The following MALRD1 variants were observed in gnomAD, a reference collection of about 807,000 sequenced individuals.
MALRD1 encodes MAM and LDL receptor class A domain containing 1, also known as MAM and LDL-receptor class A domain-containing protein 1.
MALRD1 carries 247 observed loss-of-function variants against 242.1 expected under a neutral mutation model. The observed-to-expected ratio is 1.02, with a 90% CI of 0.92 to 1.13. The LOEUF is 1.13. Among genes scored for constraint, MALRD1 ranks in the 50% most tolerant of loss-of-function variants. The pLI is 0.00. For synonymous variants in MALRD1, 995 were observed against 866.6 expected, an observed-to-expected ratio of 1.15 and a Z score of -2.60; for missense variants, 2,989 against 2,533.1, an observed-to-expected ratio of 1.18 and a Z score of -3.86.
intron 1 of MALRD1, among the ~76,000 whole-genome samples, chr10:19,053,854 T>G (rs1834583629): frequency 6.6e-6 from 1 of 152,138 alleles, no homozygotes; most frequent in Non-Finnish European, 1.5e-5. Flanking sequence ...TACATGAACT[T>G]CTTTTTTAGA....
intron 28 of MALRD1, among the ~76,000 whole-genome samples, chr10:19,391,708 T>G (rs1279849895): frequency 6.6e-6 from 1 of 152,056 alleles, no homozygotes; most frequent in Non-Finnish European, 1.5e-5. Context: ...CCTCCCACAA[T>G]GATTCCTTTT....
chr10:19,238,898 C>T (rs1396723253), intron 18 of MALRD1, among the ~76,000 whole-genome samples: 1 of 151,148 alleles, frequency 6.6e-6, no homozygotes. Flanking sequence ...TGTCTTTTAC[C>T]TTTTTGGTAA....
intron 32 of MALRD1, among the ~76,000 whole-genome samples, chr10:19,547,484 A>T (rs1835258011): frequency 6.6e-6 from 1 of 151,892 alleles, no homozygotes; most frequent in African/African-American, 2.4e-5. Context: ...AAAAAATCTG[A>T]AAAACCTAAA....
intron 36 of MALRD1, among the ~76,000 whole-genome samples, chr10:19,644,245 T>A (rs569266453): frequency 6.6e-6 from 1 of 152,304 alleles, no homozygotes; most frequent in South Asian, 2.1e-4. Context: ...TCAAAGGCAA[T>A]GCTTTATAGG....
chr10:19,569,140 T>C (rs191800169), intron 33 of MALRD1, among the ~76,000 whole-genome samples: 191 of 152,258 alleles, frequency 1.3e-3, no homozygotes, highest in African/African-American at 4.4e-3. Context: ...ATAATGGCTT[T>C]AATCATCTTT....
chr10:19,257,677 T>A lies in MALRD1; in HGVS notation c.2992-7T>A. ...TCTTATTTTTATTTTTTATTTTATT[T>A]TTTTAGATATTGGTGGAGGCTTCAG... On this transcript the variant is annotated splice_polypyrimidine_tract_variant and splice_region_variant and intron_variant, in intron 18 of 39. Transcript: ENST00000454679. 6.6e-7 allele frequency: 1 copy of A among 1,516,708 alleles called. No individual in the cohort carries two copies. Among genetic ancestry groups the A allele is most frequent in the Non-Finnish European group, 8.9e-7 (1 of 1,124,530 alleles). The allele number at this position is 1,516,708 out of a possible 1,614,324, so 94.0% of individuals were successfully genotyped here.
chr10:19,551,374 G>A (rs921908010), intron 32 of MALRD1, among the ~76,000 whole-genome samples: 1 of 152,092 alleles, frequency 6.6e-6, no homozygotes, highest in African/African-American at 2.4e-5. Flanking sequence ...TATTGTGAAT[G>A]GGATTTTATT....
At chr10:19,621,485 A>G (rs1839401067) in intron 36 of MALRD1, among the ~76,000 whole-genome samples, 3 of 151,692 alleles carry the variant, frequency 2.0e-5, no homozygotes, top group African/African-American at 4.8e-5. Flanking sequence ...AAAGGATGAT[A>G]TATTCAAATG....
chr10:19,509,219 A>G (rs1833286600), intron 31 of MALRD1, among the ~76,000 whole-genome samples: 1 of 152,186 alleles, frequency 6.6e-6, no homozygotes, highest in Non-Finnish European at 1.5e-5. Flanking sequence ...AATACTCAGA[A>G]CCAAAAGTGG....
chr10:19,218,983 T>A (rs1837446566), intron 18 of MALRD1, among the ~76,000 whole-genome samples: 1 of 152,162 alleles, frequency 6.6e-6, no homozygotes, highest in South Asian at 2.1e-4. Flanking sequence ...AATCTAATTA[T>A]TTTGACTGAT....
chr10:19,249,539 A>G (rs1420889342), intron 18 of MALRD1, among the ~76,000 whole-genome samples: 5 of 151,968 alleles, frequency 3.3e-5, no homozygotes, highest in African/African-American at 1.2e-4. Context: ...AGAGCTTATA[A>G]TGTGCTAGTT....
At chr10:19,202,666 A>G (rs1009146679) in intron 14 of MALRD1, among the ~76,000 whole-genome samples, 5 of 152,192 alleles carry the variant, frequency 3.3e-5, no homozygotes, top group African/African-American at 1.2e-4. Flanking sequence ...CTTGATAAAA[A>G]TAGCCAATGG....
intron 32 of MALRD1, among the ~76,000 whole-genome samples, chr10:19,537,180 C>G (rs1006088464): frequency 3.3e-5 from 5 of 152,014 alleles, no homozygotes; most frequent in Admixed American, 2.0e-4. Context: ...TTCTAAAAAC[C>G]ATGGGAAGCT....
intron 28 of MALRD1, among the ~76,000 whole-genome samples, chr10:19,424,985 C>T (rs1238131738): frequency 1.3e-5 from 2 of 151,942 alleles, no homozygotes; most frequent in African/African-American, 2.4e-5. Flanking sequence ...GATAGGATTA[C>T]AACAGGGAGA....
At chr10:19,655,565 T>TAC (rs1841114995) in intron 36 of MALRD1, among the ~76,000 whole-genome samples, 3 of 129,190 alleles carry the variant, frequency 2.3e-5, no homozygotes, top group Non-Finnish European at 1.7e-5. Context: ...TATATATATA[T>TAC]ATATATGGAG....
chr10:19,518,752 C>G (rs1334977409), intron 31 of MALRD1, among the ~76,000 whole-genome samples: 1 of 152,020 alleles, frequency 6.6e-6, no homozygotes, highest in African/African-American at 2.4e-5. Flanking sequence ...GTTTCACTAA[C>G]AGTCATGTTC....
intron 25 of MALRD1, among the ~76,000 whole-genome samples, chr10:19,349,144 A>G (rs773870830): frequency 1.5e-4 from 23 of 152,060 alleles, no homozygotes; most frequent in Non-Finnish European, 3.2e-4. Context: ...TATTTTTAGT[A>G]GCGATGAGGT....
At chr10:19,104,606 A>T (rs1378521576) in intron 5 of MALRD1, among the ~76,000 whole-genome samples, 2 of 152,166 alleles carry the variant, frequency 1.3e-5, no homozygotes, top group Admixed American at 6.5e-5. Flanking sequence ...ACAATTCAAT[A>T]TTAAAATTAG....
Position 19,327,560 on chromosome 10 carries a change from T to TTAG in MALRD1, c.3577-3_3577-2insTAG. On this transcript the variant is annotated splice_region_variant and splice_polypyrimidine_tract_variant and intron_variant, in intron 22 of 39. Transcript: ENST00000454679. ...GTGCCTTTTACTTGATTTATCTCTATAGGTGCTCATCAAGAAAGATAACGT... is the reference window on the plus strand; with the variant it reads ...GTGCCTTTTACTTGATTTATCTCTATTAGAGGTGCTCATCAAGAAAGATAACGT... 6.5e-7 allele frequency: 1 copy of TTAG among 1,546,664 alleles called. No individual in the cohort carries two copies. Among genetic ancestry groups the TTAG allele is most frequent in the Non-Finnish European group, 8.7e-7 (1 of 1,143,514 alleles).
Sources: gnomAD v4.1 joint callset for allele counts (sites outside exome capture counted in the v4.1 genomes callset) on GRCh38, gnomAD v4.1.1 for gene constraint, MANE v1.5 for transcripts, NCBI Gene and HGNC (gene_info 2026-07-23, HGNC 2026-07-21) for gene names.